The following ROR1 variants were observed in gnomAD, a reference collection of about 807,000 sequenced individuals.
ROR1 encodes ROR family WNT receptor 1.
ROR1 carries 19 observed loss-of-function variants against 78.8 expected under a neutral mutation model. The observed-to-expected ratio is 0.24, with a 90% confidence interval of 0.17 to 0.35. The LOEUF is 0.35. Among genes scored for constraint, ROR1 ranks in the 10% least tolerant of loss-of-function variants. The pLI, the probability that ROR1 is intolerant of heterozygous loss-of-function variation, is 1.00. For missense variants in ROR1, 917 were observed against 1,177.8 expected, an observed-to-expected ratio of 0.78 and a Z score of 3.24; for synonymous variants, 386 against 433.6, an observed-to-expected ratio of 0.89 and a Z score of 1.36.
At chr1:63,783,089 T>C (rs1644662886) in intron 1 of ROR1, among the ~76,000 whole-genome samples, 1 of 152,148 alleles carries the variant, frequency 6.6e-6, no homozygotes, top group Non-Finnish European at 1.5e-5. Context: ...GCTGAGACTA[T>C]CCTGAGTTCT....
chr1:63,831,672 A>G (rs2100299887), intron 1 of ROR1, among the ~76,000 whole-genome samples: 2 of 152,308 alleles, frequency 1.3e-5, no homozygotes, highest in Middle Eastern at 6.8e-3. Context: ...AAGATCTCTG[A>G]ATTGCCCTGG....
At chr1:63,830,105 T>A (rs115365379) in intron 1 of ROR1, among the ~76,000 whole-genome samples, 1 of 152,124 alleles carries the variant, frequency 6.6e-6, no homozygotes, top group African/African-American at 2.4e-5. Context: ...GAGACATATA[T>A]GTTTGCATTA....
chr1:63,984,479 T>C (rs1490831221), intron 1 of ROR1, among the ~76,000 whole-genome samples: 8 of 152,206 alleles, frequency 5.3e-5, no homozygotes, highest in Admixed American at 5.2e-4. Flanking sequence ...GTGATGGCTT[T>C]GTGGCTCAGG....
intron 1 of ROR1, among the ~76,000 whole-genome samples, chr1:63,888,001 G>A (rs1645368836): frequency 6.6e-6 from 1 of 152,074 alleles, no homozygotes. Context: ...CTTGCTTAGG[G>A]CCACAGAGCA....
intron 1 of ROR1, among the ~76,000 whole-genome samples, chr1:63,992,245 G>A (rs776666476): frequency 4.0e-5 from 6 of 151,418 alleles, no homozygotes; most frequent in African/African-American, 7.3e-5. Flanking sequence ...TTGCTCTGTC[G>A]CCAGGCTGGT....
intron 4 of ROR1, among the ~76,000 whole-genome samples, chr1:64,063,216 T>C (rs761226666): frequency 1.3e-5 from 2 of 152,098 alleles, no homozygotes; most frequent in Non-Finnish European, 2.9e-5. Context: ...GGAAAAAAAG[T>C]GTTATGTTAG....
chr1:63,926,495 CT>C (rs1245659088), intron 1 of ROR1, among the ~76,000 whole-genome samples: 13 of 151,692 alleles, frequency 8.6e-5, no homozygotes, highest in Admixed American at 7.9e-4. Flanking sequence ...GATGCGGGCT[CT>C]TTTTTGGTTC....
chr1:64,130,259 C>T (rs1035465123), intron 4 of ROR1, among the ~76,000 whole-genome samples: 4 of 152,100 alleles, frequency 2.6e-5, no homozygotes. Context: ...GAGTCGTTGG[C>T]CCTCTGGGTT....
At chr1:63,878,869 C>T (rs1645305751) in intron 1 of ROR1, among the ~76,000 whole-genome samples, 1 of 152,070 alleles carries the variant, frequency 6.6e-6, no homozygotes, top group African/African-American at 2.4e-5. Context: ...GAGTGCAGAC[C>T]GCAGCCTGTT....
intron 1 of ROR1, among the ~76,000 whole-genome samples, chr1:63,860,560 AAT>A (rs1472840700): frequency 5.6e-5 from 4 of 71,508 alleles, no homozygotes; most frequent in Non-Finnish European, 8.4e-5. Context: ...CTCTACTAAA[AAT>A]ACACACACAC....
intron 8 of ROR1, among the ~76,000 whole-genome samples, chr1:64,169,908 C>T (rs1403537941): frequency 6.6e-6 from 1 of 152,208 alleles, no homozygotes; most frequent in Non-Finnish European, 1.5e-5. Context: ...AAATGATCTC[C>T]TTTGACTCCA....
At chr1:63,988,077 A>G (rs1020169893) in intron 1 of ROR1, among the ~76,000 whole-genome samples, 5 of 152,150 alleles carry the variant, frequency 3.3e-5, no homozygotes, top group South Asian at 2.1e-4. Flanking sequence ...TTCTATAACA[A>G]TGGAAGTCAG....
chr1:63,864,530 G>T (rs1311495919), intron 1 of ROR1, among the ~76,000 whole-genome samples: 1 of 152,186 alleles, frequency 6.6e-6, no homozygotes, highest in Middle Eastern at 3.4e-3. Context: ...GGGGGTAGGC[G>T]GTTTGGTGGT....
chr1:64,029,392 A>G (rs1390852061), intron 2 of ROR1, among the ~76,000 whole-genome samples: 1 of 152,196 alleles, frequency 6.6e-6, no homozygotes, highest in African/African-American at 2.4e-5. Flanking sequence ...ATTGGTCAAT[A>G]TACCCTCTGA....
chr1:64,015,309 G>A (rs1162478289), intron 2 of ROR1, among the ~76,000 whole-genome samples: 1 of 152,170 alleles, frequency 6.6e-6, no homozygotes, highest in African/African-American at 2.4e-5. Context: ...ACCTAAGGTG[G>A]TTTTCCTAGC....
intron 4 of ROR1, among the ~76,000 whole-genome samples, chr1:64,051,414 C>T (rs1646827930): frequency 6.7e-6 from 1 of 149,872 alleles, no homozygotes; most frequent in East Asian, 2.0e-4. Context: ...GGCGCCACTG[C>T]ACTCCAGCCT....
intron 4 of ROR1, among the ~76,000 whole-genome samples, chr1:64,119,827 T>C (rs568682716): frequency 2.0e-5 from 3 of 152,310 alleles, no homozygotes; most frequent in Admixed American, 2.0e-4. Flanking sequence ...AGTAATTATT[T>C]AAGGCCACAT....
intron 2 of ROR1, among the ~76,000 whole-genome samples, chr1:64,046,206 A>G (rs1333778700): frequency 6.6e-6 from 1 of 152,198 alleles, no homozygotes; most frequent in African/African-American, 2.4e-5. Flanking sequence ...GGTCTGACAC[A>G]CATCGCTAGA....
intron 1 of ROR1, among the ~76,000 whole-genome samples, chr1:63,959,361 A>G (rs2100482638): frequency 6.6e-6 from 1 of 152,262 alleles, no homozygotes; most frequent in East Asian, 1.9e-4. Flanking sequence ...TATCAAGATG[A>G]TACTGGGTAG....
Sources: gnomAD v4.1 joint callset for allele counts (sites outside exome capture counted in the v4.1 genomes callset) on GRCh38, gnomAD v4.1.1 for gene constraint, MANE v1.5 for transcripts, NCBI Gene and HGNC (gene_info 2026-07-23, HGNC 2026-07-21) for gene names.